The following TMEM135 variants were observed in gnomAD, a reference collection of about 807,000 sequenced individuals.
TMEM135 encodes the protein peroxisomal membrane protein 52.
Under a neutral mutation model 60.3 loss-of-function variants are expected in TMEM135, and 30 were observed. That is an observed-to-expected ratio of 0.50 (90% CI 0.37 to 0.68). The LOEUF (loss-of-function observed/expected upper bound fraction) is 0.68, where lower values mean the gene tolerates loss of function less well. TMEM135 is among the 30% of genes least tolerant of loss of function. The probability of loss-of-function intolerance (pLI) is 0.00; values close to 1 mark genes in which losing one functional copy is unlikely to be tolerated. For synonymous variants in TMEM135, 190 were observed against 186.7 expected (o/e 1.02, Z -0.14); for missense variants, 468 against 548.8 (o/e 0.85, Z 1.47).
chr11:87,091,881 A>C (rs2135169279), intron 4 of TMEM135, among the ~76,000 whole-genome samples: 1 of 151,376 alleles, frequency 6.6e-6, no homozygotes, highest in South Asian at 2.1e-4. Context: ...TTAAGTTTAC[A>C]AAAATGAAGT....
rs1345707641 is a variant in TMEM135, at chr11:87,186,041, G to T, written c.462+28635G>T. Reference sequence around the variant, plus strand: ...CCTGCCTCAGCCTCCCGAGTAGCTGGGACTACAGGCATGTGCCACTACATT... The same window carrying T: ...CCTGCCTCAGCCTCCCGAGTAGCTGTGACTACAGGCATGTGCCACTACATT... On this transcript the variant is annotated intron_variant, in intron 5 of 14. Coordinates refer to ENST00000305494, the MANE Select transcript of TMEM135 (RefSeq NM_022918.4). 5.3e-5 allele frequency among the ~76,000 whole-genome samples: 8 copies of T among 152,100 alleles called. No homozygotes were observed. The South Asian group carries it at 1.2e-3, about 24-fold the overall frequency.
intron 5 of TMEM135, among the ~76,000 whole-genome samples, chr11:87,219,298 A>G (rs79403926): frequency 0.03 from 4,591 of 152,276 alleles, 212 homozygotes; most frequent in African/African-American, 0.1. Context: ...TAGATGGCTT[A>G]TTCAATAGAA....
intron 12 of TMEM135, among the ~76,000 whole-genome samples, chr11:87,316,033 C>T (rs1420226408): frequency 6.6e-6 from 1 of 151,850 alleles, no homozygotes; most frequent in Admixed American, 6.6e-5. Flanking sequence ...TCTGTAATGG[C>T]TCCTAGTTTG....
At chr11:87,044,104 C>T (rs1202830734) in intron 1 of TMEM135, among the ~76,000 whole-genome samples, 1 of 152,098 alleles carries the variant, frequency 6.6e-6, no homozygotes, top group Non-Finnish European at 1.5e-5. Flanking sequence ...CATGTTTACT[C>T]AATATTTACT....
intron 5 of TMEM135, 195 bp downstream of exon 5, chr11:87,157,601 C>A: frequency 5.7e-6 from 3 of 522,580 alleles, no homozygotes; most frequent in Non-Finnish European, 3.4e-6. Flanking sequence ...AGATTGAAAA[C>A]AAATTACTGT....
At chr11:87,304,854 CAA>C (rs1407837592) in intron 8 of TMEM135, among the ~76,000 whole-genome samples, 1 of 152,136 alleles carries the variant, frequency 6.6e-6, no homozygotes, top group Non-Finnish European at 1.5e-5. Flanking sequence ...CATGAACCCT[CAA>C]AGAGAGAGAG....
intron 5 of TMEM135, among the ~76,000 whole-genome samples, chr11:87,200,743 T>G (rs1940074836): frequency 8.8e-6 from 1 of 113,452 alleles, no homozygotes; most frequent in South Asian, 3.0e-4. Flanking sequence ...GTTTCACTGC[T>G]GCAAAAATCC....
intron 1 of TMEM135, among the ~76,000 whole-genome samples, chr11:87,044,354 A>T (rs1389874902): frequency 2.0e-5 from 3 of 152,128 alleles, no homozygotes; most frequent in Non-Finnish European, 4.4e-5. Flanking sequence ...AGGCTACAAG[A>T]CCAGCAATGA....
At chr11:87,059,224 A>G (rs2445534) in intron 1 of TMEM135, among the ~76,000 whole-genome samples, 69,734 of 151,502 alleles carry the variant, frequency 0.46, 16,902 homozygotes, top group East Asian at 0.64. Flanking sequence ...CACCGCGCCC[A>G]GCCGAAAAAT....
chr11:87,106,855 A>G (rs937063396), intron 4 of TMEM135, among the ~76,000 whole-genome samples: 1 of 152,208 alleles, frequency 6.6e-6, no homozygotes, highest in African/African-American at 2.4e-5. Context: ...CTGTACAGGA[A>G]GCATAGTCCT....
At chr11:87,246,563 T>TG (rs1941276524) in intron 6 of TMEM135, among the ~76,000 whole-genome samples, 3 of 152,118 alleles carry the variant, frequency 2.0e-5, no homozygotes, top group African/African-American at 7.2e-5. Context: ...TTGTGTTCTT[T>TG]TTTCTCTAAA....
At chr11:87,038,278 T>C in intron 1 of TMEM135, 92 bp downstream of exon 1, 1 of 1,363,218 alleles carries the variant, frequency 7.3e-7, no homozygotes, top group South Asian at 1.2e-5. Context: ...CTGGGGGACT[T>C]GCCTTGTGTC....
intron 12 of TMEM135, among the ~76,000 whole-genome samples, chr11:87,316,476 C>T (rs1942731446): frequency 1.3e-5 from 2 of 152,058 alleles, no homozygotes; most frequent in Middle Eastern, 6.8e-3. Context: ...GTATTTAATT[C>T]ACATTTTAAG....
Position 87,222,340 on chromosome 11 carries a change from C to CAA in TMEM135, c.463-14291_463-14290dup, listed in dbSNP as rs200587125. Among the ~76,000 whole-genome samples, 14 of 139,718 alleles carry CAA rather than the reference C, an allele frequency of 1.0e-4. No homozygotes were observed. In the South Asian group the frequency reaches 3.3e-3, roughly 33 times the overall value. The allele number at this position is 139,718 out of a possible 152,430, so 91.7% of individuals were successfully genotyped here. On this transcript the variant is annotated intron_variant, in intron 5 of 14. Transcript: ENST00000305494. ...TGAAACCCCGTCTCTACTAAAAATG[C>CAA]AAAAAAAATTCGCTGGGCGTGGTGG...
At chr11:87,196,786 G>A (rs1172986868) in intron 5 of TMEM135, among the ~76,000 whole-genome samples, 2 of 152,164 alleles carry the variant, frequency 1.3e-5, no homozygotes, top group South Asian at 2.1e-4. Flanking sequence ...AGACTTTAAC[G>A]CATAATCTTC....
At chr11:87,169,628 C>T (rs1023565420) in intron 5 of TMEM135, among the ~76,000 whole-genome samples, 32 of 151,724 alleles carry the variant, frequency 2.1e-4, no homozygotes, top group African/African-American at 7.3e-4. Flanking sequence ...GAATATTGGC[C>T]CTCACTCTCT....
chr11:87,251,718 T>A (rs1308598084), intron 6 of TMEM135, among the ~76,000 whole-genome samples: 1 of 152,172 alleles, frequency 6.6e-6, no homozygotes, highest in Non-Finnish European at 1.5e-5. Flanking sequence ...ATTAAAAAGC[T>A]GCTGTGACTC....
chr11:87,074,890 A>C (rs1021374268), intron 3 of TMEM135, among the ~76,000 whole-genome samples: 10 of 152,160 alleles, frequency 6.6e-5, no homozygotes, highest in African/African-American at 2.4e-4. Flanking sequence ...TTTGAACCAG[A>C]ATCTAGTCAA....
intron 5 of TMEM135, among the ~76,000 whole-genome samples, chr11:87,187,989 G>A (rs625552): frequency 0.13 from 20,105 of 152,122 alleles, 1,364 homozygotes; most frequent in Non-Finnish European, 0.15. Flanking sequence ...TAGAAATAGT[G>A]TTTTGTGTTT....
Sources: allele counts gnomAD v4.1 joint callset (sites outside exome capture counted in the v4.1 genomes callset), GRCh38; gene constraint gnomAD v4.1.1; transcripts MANE v1.5; gene names NCBI Gene and HGNC (gene_info 2026-07-23, HGNC 2026-07-21).